IQANK1: variants seen among roughly 807,000 people sequenced by gnomAD.
The protein encoded by IQANK1 is IQ motif and ankyrin repeat domain-containing protein 1.
IQANK1 carries 30 observed loss-of-function variants against 22.6 expected under a neutral mutation model. The observed-to-expected ratio is 1.33, with a 90% CI of 0.99 to 1.80. The LOEUF is 1.80. Among genes scored for constraint, IQANK1 ranks in the 40% most tolerant of loss-of-function variants. The pLI is 0.00. For synonymous variants in IQANK1, 122 were observed against 99.6 expected (o/e 1.23, Z -1.34); for missense variants, 275 against 235.2 (o/e 1.17, Z -1.11).
intron 8 of IQANK1, 44 bp downstream of exon 8, chr8:143,789,107 G>A: frequency 7.5e-6 from 3 of 401,936 alleles, no homozygotes; most frequent in Admixed American, 4.4e-5. Flanking sequence ...GCTGGCAAGG[G>A]GCGCTGGCAG....
rs1249013812 is a variant in IQANK1, at chr8:143,771,224, G to A, written c.176-264G>A. On this transcript the variant is annotated intron_variant, in intron 3 of 13. Transcript: ENST00000527139. The surrounding 1 kb of genome is among the most constrained non-coding windows in gnomAD (Gnocchi z 6.0). ...CTCGGGGCTCCCGAGCTGCGGGCTC[G>A]GCGGGGCTCGCAGGATCCCCGGCGG... Among the ~76,000 whole-genome samples, 1 of 152,060 alleles carries A rather than the reference G, an allele frequency of 6.6e-6. No homozygotes were observed. The highest frequency in any genetic ancestry group is 2.4e-5 in the African/African-American group (1 of 41,430).
intron 7 of IQANK1, among the ~76,000 whole-genome samples, chr8:143,784,879 A>G (rs1434575363): frequency 6.6e-6 from 1 of 152,220 alleles, no homozygotes; most frequent in Non-Finnish European, 1.5e-5. Flanking sequence ...GATCAGCACT[A>G]GTAACTTACC....
intron 3 of IQANK1, among the ~76,000 whole-genome samples, chr8:143,766,364 C>T (rs1282978107): frequency 6.6e-6 from 1 of 152,120 alleles, no homozygotes; most frequent in African/African-American, 2.4e-5. Context: ...ATGGTGTCTT[C>T]TCGTGAATAG....
chr8:143,789,588 A>C, intron 10 of IQANK1, 60 bp downstream of exon 10: 2 of 1,231,286 alleles, frequency 1.6e-6, no homozygotes, highest in Non-Finnish European at 2.0e-6. Flanking sequence ...CCTTGTTCCA[A>C]ACCAGCCCAG....
At chr8:143,783,185 G>T (rs1443715674) in intron 7 of IQANK1, among the ~76,000 whole-genome samples, 2 of 152,142 alleles carry the variant, frequency 1.3e-5, no homozygotes, top group East Asian at 1.9e-4. Context: ...CAAAATGGTT[G>T]TACCAGTTTA....
chr8:143,782,573 C>A (rs530191700), intron 7 of IQANK1, among the ~76,000 whole-genome samples: 45 of 152,106 alleles, frequency 3.0e-4, no homozygotes, highest in African/African-American at 1.1e-3. Context: ...CTCCGCCTCC[C>A]AGGTTCAAGC....
intron 3 of IQANK1, among the ~76,000 whole-genome samples, chr8:143,753,659 T>C (rs1213949177): frequency 6.6e-6 from 1 of 152,124 alleles, no homozygotes; most frequent in Non-Finnish European, 1.5e-5. Flanking sequence ...TTCACCGTGT[T>C]GGCCAGGCTG....
rs1223897186 is a variant in IQANK1 at position 143,746,532 on chromosome 8, G to A, written c.175+6584G>A. Among the ~76,000 whole-genome samples the A allele has an allele frequency of 2.6e-5, 4 of 151,650 alleles. No homozygotes were observed. The East Asian group carries it at 7.8e-4, about 30-fold the overall frequency. ...CAAGTAGCTGGGACTACAGGTGTGTGCCATCATGTCTGGCTAAATTTTTAA... is the reference window on the plus strand; with the variant it reads ...CAAGTAGCTGGGACTACAGGTGTGTACCATCATGTCTGGCTAAATTTTTAA... On this transcript the variant is annotated intron_variant, in intron 3 of 13. Coordinates refer to ENST00000527139, the MANE Select transcript of IQANK1 (RefSeq NM_001381874.1).
intron 3 of IQANK1, among the ~76,000 whole-genome samples, chr8:143,754,817 G>A (rs550027221): frequency 2.0e-5 from 3 of 152,080 alleles, no homozygotes; most frequent in South Asian, 2.1e-4. Flanking sequence ...TAGTAGAGAC[G>A]GGGTTTCACT....
At chr8:143,768,234 G>A (rs782194480) in intron 3 of IQANK1, among the ~76,000 whole-genome samples, 6 of 151,998 alleles carry the variant, frequency 3.9e-5, no homozygotes. Context: ...ATGATGTTGT[G>A]TTTTTGACGT....
chr8:143,773,321 A>AC (rs1563777436), intron 7 of IQANK1, among the ~76,000 whole-genome samples: 97 of 127,338 alleles, frequency 7.6e-4, no homozygotes, highest in African/African-American at 3.1e-3. Context: ...AAAAAACAAA[A>AC]AAAACACAAA....
chr8:143,789,141 T>G (rs1379160116), intron 8 of IQANK1, 48 bp from the exon 9 acceptor site: 1 of 400,650 alleles, frequency 2.5e-6, no homozygotes, highest in Non-Finnish European at 4.4e-6. Context: ...GGGGTGCTGG[T>G]GGGGGCGCTG....
rs1306985687 is a variant in IQANK1 at position 143,735,538 on chromosome 8, G to A, written c.-4-312G>A. ...TGGCAACCCAGCAGCTTGGGGCAGG[G>A]AGAAGAGTGCTAGACTCCAGATCCT... On this transcript the variant is annotated intron_variant, in intron 1 of 13. Transcript: ENST00000527139. The surrounding 1 kb of genome is among the most constrained non-coding windows in gnomAD (Gnocchi z 5.2). Among the ~76,000 whole-genome samples the A allele has an allele frequency of 3.3e-5, 5 of 152,158 alleles. No homozygotes were observed. Among genetic ancestry groups the A allele is most frequent in the African/African-American group, 1.2e-4 (5 of 41,414 alleles).
chr8:143,736,674 C>T (rs1818747185), intron 2 of IQANK1, among the ~76,000 whole-genome samples: 1 of 152,170 alleles, frequency 6.6e-6, no homozygotes, highest in Non-Finnish European at 1.5e-5. Context: ...GTGCTGCCCT[C>T]TGCCTGCGGC....
intron 3 of IQANK1, chr8:143,760,599 G>GT (rs1467151114): frequency 1.3e-5 from 2 of 152,114 alleles, no homozygotes; most frequent in African/African-American, 4.8e-5. Context: ...GGGAGGATCG[G>GT]TTGAGCCTGG....
intron 3 of IQANK1, among the ~76,000 whole-genome samples, chr8:143,765,908 G>T (rs1819473779): frequency 6.6e-6 from 1 of 152,176 alleles, no homozygotes; most frequent in East Asian, 1.9e-4. Flanking sequence ...CACTAGCATG[G>T]ATTTTCTTGC....
intron 3 of IQANK1, among the ~76,000 whole-genome samples, chr8:143,768,470 G>C (rs1819518159): frequency 1.3e-5 from 2 of 152,042 alleles, no homozygotes; most frequent in Non-Finnish European, 2.9e-5. Flanking sequence ...GAGAAATTCT[G>C]CTTCTCTTCA....
At chr8:143,747,040 C>T (rs567622189) in intron 3 of IQANK1, among the ~76,000 whole-genome samples, 10 of 152,110 alleles carry the variant, frequency 6.6e-5, no homozygotes, top group East Asian at 3.9e-4. Context: ...CCACCACGCC[C>T]GGCTAATTTT....
chr8:143,768,318 G>A (rs1279658837), intron 3 of IQANK1, among the ~76,000 whole-genome samples: 1 of 152,082 alleles, frequency 6.6e-6, no homozygotes, highest in East Asian at 1.9e-4. Context: ...CTTAGTAGGA[G>A]GGTTTCCGCG....
Sources: gnomAD v4.1 joint callset for allele counts (sites outside exome capture counted in the v4.1 genomes callset) on GRCh38, gnomAD v4.1.1 for gene constraint, Gnocchi (gnomAD v3.1) non-coding constraint, MANE v1.5 for transcripts, NCBI Gene and HGNC (gene_info 2026-07-23, HGNC 2026-07-21) for gene names.